Variants in ARL8B observed in about 807,000 individuals in gnomAD.
ARL8B encodes the protein ADP-ribosylation factor-like protein 8B.
ARL8B carries 9 observed loss-of-function variants against 30.6 expected under a neutral mutation model. The observed-to-expected ratio is 0.29, with a 90% CI of 0.18 to 0.51. ARL8B has a LOEUF of 0.51. ARL8B is among the 20% of genes least tolerant of loss of function. The probability of loss-of-function intolerance (pLI) is 0.97; values close to 1 mark genes in which losing one functional copy is unlikely to be tolerated. For synonymous variants in ARL8B, 74 were observed against 76.0 expected (o/e 0.97, Z 0.14); for missense variants, 130 against 227.2 (o/e 0.57, Z 2.75).
At chr3:5,165,062 CATT>C (rs748117042) in intron 1 of ARL8B, among the ~76,000 whole-genome samples, 18 of 152,238 alleles carry the variant, frequency 1.2e-4, no homozygotes, top group Non-Finnish European at 1.9e-4. Flanking sequence ...ATCTGAGCAT[CATT>C]GAGATACTAA....
At chr3:5,127,569 G>A (rs541889821) in intron 1 of ARL8B, among the ~76,000 whole-genome samples, 1 of 152,144 alleles carries the variant, frequency 6.6e-6, no homozygotes, top group Admixed American at 6.6e-5. Flanking sequence ...TCTGTGGAAA[G>A]TAAGAGTGGA....
chr3:5,169,846 C>G (rs2054656049), intron 1 of ARL8B, among the ~76,000 whole-genome samples: 1 of 152,152 alleles, frequency 6.6e-6, no homozygotes, highest in African/African-American at 2.4e-5. Context: ...GTTAATAAAA[C>G]TCCACTGAAC....
chr3:5,170,758 G>T, intron 2 of ARL8B, 175 bp downstream of exon 2: 1 of 520,470 alleles, frequency 1.9e-6, no homozygotes, highest in Non-Finnish European at 3.4e-6. Flanking sequence ...TGGAAACAGA[G>T]TTTTGCTCTT....
At chr3:5,178,639 C>G (rs759534035) in intron 6 of ARL8B, 25 bp from the exon 7 acceptor site, 1 of 1,586,000 alleles carries the variant, frequency 6.3e-7, no homozygotes, top group Non-Finnish European at 8.6e-7. Context: ...ACTTTAATGT[C>G]TTCACTTTTC....
At chr3:5,174,670 ATGTAATATGTATTATATATTATATGTAAT>A (rs2054710101) in intron 6 of ARL8B, among the ~76,000 whole-genome samples, 1 of 57,552 alleles carries the variant, frequency 1.7e-5, no homozygotes, top group Non-Finnish European at 3.1e-5. Context: ...AATATAATAT[ATGTAATATGTATTATATATTATATGTAAT>A]ATATATGTAA....
At chr3:5,142,390 A>G (rs1307468683) in intron 1 of ARL8B, among the ~76,000 whole-genome samples, 2 of 152,168 alleles carry the variant, frequency 1.3e-5, no homozygotes, top group African/African-American at 4.8e-5. Context: ...AATGTGGGAA[A>G]GAGCAGTGAC....
Position 5,148,562 on chromosome 3 carries a change from T to C in ARL8B, c.124-21941T>C, listed in dbSNP as rs1297174765. 3.3e-5 allele frequency among the ~76,000 whole-genome samples: 5 copies of C among 152,274 alleles called. No individual in the cohort carries two copies. In the East Asian group the frequency reaches 9.7e-4, roughly 29 times the overall value. On this transcript the variant is annotated intron_variant, in intron 1 of 6. Transcript: ENST00000256496. ...GATAGGTGGTTCCAGGGCCTTTCACTGGGTGAGGGCTTTTTATTAGGTTCT... is the reference window on the plus strand; with the variant it reads ...GATAGGTGGTTCCAGGGCCTTTCACCGGGTGAGGGCTTTTTATTAGGTTCT...
At position 5,146,812 on chromosome 3, in the gene ARL8B, C is replaced by G. The variant is rs145730450; in HGVS notation, c.124-23691C>G. 2.8e-3 allele frequency among the ~76,000 whole-genome samples: 431 copies of G among 152,198 alleles called. 2 individuals carry two copies. Among genetic ancestry groups the G allele is most frequent in the African/African-American group, 9.6e-3 (397 of 41,526 alleles). ...GAACCTGAAATCTCTCCCTTTTAATCCCTGATACTGTCAATTTTTCCTTGG... is the reference window on the plus strand; with the variant it reads ...GAACCTGAAATCTCTCCCTTTTAATGCCTGATACTGTCAATTTTTCCTTGG... On this transcript the variant is annotated intron_variant, in intron 1 of 6. Coordinates refer to ENST00000256496, the MANE Select transcript of ARL8B (RefSeq NM_018184.3).
chr3:5,144,178 T>C (rs1410814923), intron 1 of ARL8B, among the ~76,000 whole-genome samples: 1 of 152,192 alleles, frequency 6.6e-6, no homozygotes, highest in Non-Finnish European at 1.5e-5. Flanking sequence ...CTAGGTACAT[T>C]CTGTTCTAAT....
At chr3:5,138,651 G>C (rs1273077783) in intron 1 of ARL8B, among the ~76,000 whole-genome samples, 1 of 152,022 alleles carries the variant, frequency 6.6e-6, no homozygotes, top group Non-Finnish European at 1.5e-5. Context: ...TTCTTACTGC[G>C]CTTACTGCAC....
In ARL8B at chr3:5,122,434, C is replaced by T. The variant is rs748806544; in HGVS notation, c.-32C>T. 1 of 1,611,052 alleles carries T rather than the reference C, an allele frequency of 6.2e-7. No homozygotes were observed. On this transcript the variant is annotated 5_prime_UTR_variant, in exon 1 of 7. Coordinates refer to ENST00000256496, the MANE Select transcript of ARL8B (RefSeq NM_018184.3). Reference sequence around the variant, plus strand: ...GTCGTCGACGCCGCCGCTCGTCCGTCCTCCCGTCCGTTCTCGCTCCCGGCC... The same window carrying T: ...GTCGTCGACGCCGCCGCTCGTCCGTTCTCCCGTCCGTTCTCGCTCCCGGCC...
intron 1 of ARL8B, among the ~76,000 whole-genome samples, chr3:5,160,683 A>C (rs1373266237): frequency 1.3e-5 from 2 of 152,224 alleles, no homozygotes; most frequent in Non-Finnish European, 2.9e-5. Context: ...GCTTTATAAA[A>C]AGTTATCTAG....
At chr3:5,127,486 T>A (rs1559274018) in intron 1 of ARL8B, among the ~76,000 whole-genome samples, 1 of 152,212 alleles carries the variant, frequency 6.6e-6, no homozygotes, top group Non-Finnish European at 1.5e-5. Context: ...AATCCAGGCA[T>A]CTTAAGCATA....
At position 5,160,461 on chromosome 3, in the gene ARL8B, G is replaced by A. The variant is rs114657024; in HGVS notation, c.124-10042G>A. The stretch of plus-strand genomic sequence containing the variant: ...CTTTTAAAATGACTATTTTTCAGGA[G>A]TAGAGGTAAGCAAGAATGAGTTTTC... On this transcript the variant is annotated intron_variant, in intron 1 of 6. Coordinates refer to ENST00000256496, the MANE Select transcript of ARL8B (RefSeq NM_018184.3). 8.4e-3 allele frequency among the ~76,000 whole-genome samples: 1,272 copies of A among 152,318 alleles called. 14 individuals are homozygous for A. The highest frequency in any genetic ancestry group is 0.028 in the African/African-American group (1,183 of 41,562).
chr3:5,132,589 T>C (rs963128272), intron 1 of ARL8B, among the ~76,000 whole-genome samples: 2 of 152,230 alleles, frequency 1.3e-5, no homozygotes, highest in African/African-American at 4.8e-5. Flanking sequence ...TTGTTTCTAA[T>C]AGTCTGTCCC....
At chr3:5,129,550 A>G (rs2054263523) in intron 1 of ARL8B, among the ~76,000 whole-genome samples, 1 of 151,856 alleles carries the variant, frequency 6.6e-6, no homozygotes, top group African/African-American at 2.4e-5. Flanking sequence ...AGAGAACATA[A>G]TTCTTTCTGA....
At chr3:5,168,121 T>C (rs2054639886) in intron 1 of ARL8B, among the ~76,000 whole-genome samples, 1 of 152,204 alleles carries the variant, frequency 6.6e-6, no homozygotes, top group Admixed American at 6.5e-5. Context: ...TGGCACAATC[T>C]TGTCTTAAAG....
intron 1 of ARL8B, among the ~76,000 whole-genome samples, chr3:5,156,230 A>G (rs543558473): frequency 6.6e-6 from 1 of 152,050 alleles, no homozygotes; most frequent in African/African-American, 2.4e-5. Flanking sequence ...GGTCTTCCTC[A>G]GGGTCAGTTT....
chr3:5,153,930 T>A (rs1477618255), intron 1 of ARL8B, among the ~76,000 whole-genome samples: 2 of 60,306 alleles, frequency 3.3e-5, no homozygotes, highest in African/African-American at 3.1e-4. Context: ...CTGATAGTCT[T>A]TTTTTTTTTC....
Sources: gnomAD v4.1 joint callset for allele counts (sites outside exome capture counted in the v4.1 genomes callset) on GRCh38, gnomAD v4.1.1 for gene constraint, MANE v1.5 for transcripts, NCBI Gene and HGNC (gene_info 2026-07-23, HGNC 2026-07-21) for gene names.